Variants in CFAP410 observed in about 807,000 individuals in gnomAD.
CFAP410 encodes the protein cilia and flagella associated protein 410, also known as cilia- and flagella-associated protein 410.
Under a neutral mutation model 25.7 loss-of-function variants are expected in CFAP410, and 27 were observed. The ratio of observed to expected loss-of-function variants is 1.05; its 90% CI spans 0.77 to 1.45. The LOEUF (loss-of-function observed/expected upper bound fraction) is 1.45, where lower values mean the gene tolerates loss of function less well. Among genes scored for constraint, CFAP410 ranks in the 40% most tolerant of loss-of-function variants. CFAP410 has a pLI of 0.00. For missense variants in CFAP410, 428 were observed against 354.1 expected, an observed-to-expected ratio of 1.21 and a Z score of -1.67; for synonymous variants, 178 against 158.4, an observed-to-expected ratio of 1.12 and a Z score of -0.93.
rs1349689201 is a variant in CFAP410 at position 44,334,413 on chromosome 21, C to T, written c.144-1151G>A. The T allele has an allele frequency of 4.4e-5, 17 of 382,136 alleles. No homozygotes were observed. In the East Asian group the frequency reaches 1.2e-3, roughly 27 times the overall value. The allele number at this position is 382,136 out of a possible 1,614,324, so 23.7% of individuals were successfully genotyped here. On this transcript the variant is annotated intron_variant, in intron 3 of 6. Transcript: ENST00000339818. ...ACGTTTCCCTGTCAGGTAAGCCTTTCGGAGGCAGGCCTGAAATCCCAGCCT... is the reference window on the plus strand; with the variant it reads ...ACGTTTCCCTGTCAGGTAAGCCTTTTGGAGGCAGGCCTGAAATCCCAGCCT...
Position 44,333,981 on chromosome 21 carries a change from C to T in CFAP410, c.144-719G>A. 3 of 400,928 alleles carry T rather than the reference C, an allele frequency of 7.5e-6. 1 individual carries two copies. The highest frequency in any genetic ancestry group is 5.4e-5 in the South Asian group (3 of 55,240). 24.8% of individuals were successfully genotyped at this position (400,928 alleles called of 1,614,324 possible). On this transcript the variant is annotated intron_variant, in intron 3 of 6. Coordinates refer to ENST00000339818, the MANE Select transcript of CFAP410 (RefSeq NM_004928.3). ...CCCATGGGCAGCCTGCCGTCCTGAG[C>T]CCCCCTCCCCATGCCATCCCTTCAC...
chr21:44,339,266 C>T lies in CFAP410; in HGVS notation c.-72G>A, dbSNP rs2047824474. The T allele has an allele frequency of 9.9e-7, 1 of 1,014,760 alleles. No individual in the cohort carries two copies. The highest frequency in any genetic ancestry group is 1.3e-6 in the Non-Finnish European group (1 of 741,878). The allele number at this position is 1,014,760 out of a possible 1,614,324, so 62.9% of individuals were successfully genotyped here. A position where few individuals can be genotyped will look rare whatever the true frequency, so the allele number is the denominator to read the frequency against. On this transcript the variant is annotated 5_prime_UTR_variant, in exon 1 of 7. Coordinates refer to ENST00000339818, the MANE Select transcript of CFAP410 (RefSeq NM_004928.3). The stretch of plus-strand genomic sequence containing the variant: ...CCGGGCGGGTGACGACTGCGCGGCG[C>T]GTGTCTCCAGGGGCGGGGCCCGCGT...
At chr21:44,330,605 G>A (rs1423919140) in intron 6 of CFAP410, 6 of 1,549,506 alleles carry the variant, frequency 3.9e-6, no homozygotes, top group African/African-American at 2.7e-5. Context: ...AGGCTGAGGG[G>A]CCAGGACGGC....
Position 44,333,084 on chromosome 21 carries a change from G to T in CFAP410, c.322C>A (p.Arg108Ser). 1 of 1,609,732 alleles carries T rather than the reference G, an allele frequency of 6.2e-7. No individual in the cohort carries two copies. The highest frequency in any genetic ancestry group is 8.5e-7 in the Non-Finnish European group (1 of 1,178,460). The change falls in exon 4 of 7, where the codon CGC becomes AGC. Residue 108 changes from arginine (R) to serine (S), a missense_variant. Transcript: ENST00000339818. ...GGCAGGGTGCGCAGCACGGTCATGC[G>T]GTAGCGGTGGGGGCTGGTGCCGCAG... ...PCCGTSPHRYRMTVLRTLPRL... is the reference protein window; with the variant it reads ...PCCGTSPHRYSMTVLRTLPRL...
chr21:44,330,419 C>A (rs376235939), intron 6 of CFAP410, 93 bp from the exon 7 acceptor site: 15 of 1,559,350 alleles, frequency 9.6e-6, no homozygotes, highest in Non-Finnish European at 9.6e-6. Context: ...TGCCCCACCA[C>A]GGAGCGACTG....
In CFAP410 at chr21:44,330,223, T is replaced by C; in HGVS notation, c.746A>G (p.Glu249Gly). ...VGSRLQALRGEEVQEHAE is the reference protein window; with the variant it reads ...VGSRLQALRGGEVQEHAE The stretch of plus-strand genomic sequence containing the variant: ...TCACTCGGCGTGCTCCTGCACCTCT[T>C]CCCCACGCAGGGCCTGCAGCCGGCT... Residue 249 changes from glutamate to glycine, a missense_variant, in exon 7 of 7, where the codon GAA becomes GGA. Coordinates refer to ENST00000339818, the MANE Select transcript of CFAP410 (RefSeq NM_004928.3). 1 of 1,580,642 alleles carries C rather than the reference T, an allele frequency of 6.3e-7. No individual in the cohort carries two copies. The highest frequency in any genetic ancestry group is 1.1e-5 in the South Asian group (1 of 87,274).
chr21:44,338,821 C>G (rs1407029407), intron 1 of CFAP410: 1 of 125,098 alleles, frequency 8.0e-6, no homozygotes, highest in Non-Finnish European at 1.7e-5. Flanking sequence ...CGCCCCGGCT[C>G]CTCCCTCCGG....
chr21:44,336,555 G>A (rs2047760243), intron 2 of CFAP410, among the ~76,000 whole-genome samples: 1 of 152,162 alleles, frequency 6.6e-6, no homozygotes, highest in African/African-American at 2.4e-5. Flanking sequence ...TCCCACATAT[G>A]TGAGAGCCCA....
rs1306615481 is a variant in CFAP410 at position 44,339,383 on chromosome 21, T to G, written c.-189A>C. The G allele has an allele frequency of 9.1e-5, 38 of 419,790 alleles. 3 individuals are homozygous for G. The highest frequency in any genetic ancestry group is 2.7e-4 in the South Asian group (5 of 18,194). The allele number at this position is 419,790 out of a possible 1,614,324, so 26.0% of individuals were successfully genotyped here. The stretch of plus-strand genomic sequence containing the variant: ...GGGCCGCTTGGGCGCCGCTGACACG[T>G]TGGCTCTGCTCCTGCTCATGCGCGG... On this transcript the variant is annotated 5_prime_UTR_variant, in exon 1 of 7. Transcript: ENST00000339818.
chr21:44,331,212 A>C, intron 5 of CFAP410: 1 of 500,026 alleles, frequency 2.0e-6, no homozygotes, highest in Non-Finnish European at 3.6e-6. Flanking sequence ...GGGCACCCGA[A>C]CACACAAATG....
rs141195315 is a variant in CFAP410, at chr21:44,330,206, C to T, written c.763G>A (p.Ala255Thr). The T allele has an allele frequency of 1.4e-3, 2,131 of 1,568,058 alleles. 3 individuals are homozygous for T. The highest frequency in any genetic ancestry group is 1.7e-3 in the Non-Finnish European group (2,021 of 1,161,102). ...ALRGEEVQEH[A>T]E ...GCGTTCAGGTCCTGCGGTCACTCGG[C>T]GTGCTCCTGCACCTCTTCCCCACGC... The change falls in exon 7 of 7, where the codon GCC becomes ACC. Residue 255 changes from alanine to threonine, a missense_variant. Ala to Thr is a moderately conservative substitution (Grantham distance 58). Coordinates refer to ENST00000339818, the MANE Select transcript of CFAP410 (RefSeq NM_004928.3).
chr21:44,338,154 A>G (rs1403580968), intron 1 of CFAP410: 1 of 648,918 alleles, frequency 1.5e-6, no homozygotes, highest in African/African-American at 1.9e-5. Context: ...TTGAAAGCAA[A>G]TGACACGGGA....
chr21:44,332,282 A>C, intron 4 of CFAP410: 3 of 418,794 alleles, frequency 7.2e-6, no homozygotes, highest in South Asian at 5.9e-5. Flanking sequence ...TACTCCTCAA[A>C]ACCTCAACTA....
At position 44,330,122 on chromosome 21, in the gene CFAP410, C is replaced by T; in HGVS notation, c.*76G>A. 6.8e-7 allele frequency: 1 copy of T among 1,478,818 alleles called. No individual in the cohort carries two copies. Among genetic ancestry groups the T allele is most frequent in the Non-Finnish European group, 9.1e-7 (1 of 1,104,534 alleles). The allele number at this position is 1,478,818 out of a possible 1,614,324, so 91.6% of individuals were successfully genotyped here. A position where few individuals can be genotyped will look rare whatever the true frequency, so the allele number is the denominator to read the frequency against. On this transcript the variant is annotated 3_prime_UTR_variant, in exon 7 of 7. Coordinates refer to ENST00000339818, the MANE Select transcript of CFAP410 (RefSeq NM_004928.3). ...GGGGCCGGGGCTGCGGCCATGGCAGCCACCCTCCAGCTCCCGGGGGCTGGG... is the reference window on the plus strand; with the variant it reads ...GGGGCCGGGGCTGCGGCCATGGCAGTCACCCTCCAGCTCCCGGGGGCTGGG...
intron 6 of CFAP410, 96 bp from the exon 7 acceptor site, chr21:44,330,422 A>ACT: frequency 6.4e-7 from 1 of 1,557,376 alleles, no homozygotes; most frequent in Admixed American, 1.8e-5. Context: ...CCCACCACGG[A>ACT]GCGACTGGTC....
intron 1 of CFAP410, chr21:44,338,160 C>T: frequency 1.4e-6 from 1 of 696,240 alleles, no homozygotes; most frequent in South Asian, 2.0e-5. Context: ...GCAAATGACA[C>T]GGGAATTGTA....
At chr21:44,330,726 CG>C in intron 6 of CFAP410, 96 bp downstream of exon 6, 1 of 1,549,468 alleles carries the variant, frequency 6.5e-7, no homozygotes, top group Non-Finnish European at 8.7e-7. Flanking sequence ...TCCCTCCCCA[CG>C]GGGCCCTGTG....
intron 5 of CFAP410, 175 bp from the exon 6 acceptor site, chr21:44,331,094 C>T: frequency 1.6e-6 from 1 of 639,514 alleles, no homozygotes; most frequent in Admixed American, 3.0e-5. Context: ...CTACAGATGG[C>T]AGCTCCTGGA....
At chr21:44,335,599 C>T in intron 3 of CFAP410, 159 bp downstream of exon 3, 3 of 639,336 alleles carry the variant, frequency 4.7e-6, no homozygotes, top group South Asian at 1.9e-5. Context: ...AGGGTAGGCC[C>T]AGCTCTCGCT....
Sources: gnomAD v4.1 joint callset for allele counts (sites outside exome capture counted in the v4.1 genomes callset) on GRCh38, gnomAD v4.1.1 for gene constraint, MANE v1.5 for transcripts, NCBI Gene and HGNC (gene_info 2026-07-23, HGNC 2026-07-21) for gene names.